Variants in MEX3D observed in about 807,000 individuals in gnomAD.
The protein encoded by MEX3D is RNA-binding protein MEX3D.
In MEX3D, 4 loss-of-function variants were observed where a neutral mutation model predicts 6.3. The ratio of observed to expected loss-of-function variants is 0.64; its 90% CI spans 0.31 to 1.46. The LOEUF is 1.46. MEX3D is among the 40% of genes most tolerant of loss of function. The pLI is 0.07. For missense variants in MEX3D, 1,038 were observed against 994.4 expected, an observed-to-expected ratio of 1.04 and a Z score of -0.59; for synonymous variants, 626 against 494.1, an observed-to-expected ratio of 1.27 and a Z score of -3.54.
At chr19:1,562,069 A>G (rs1373139059) in intron 1 of MEX3D, among the ~76,000 whole-genome samples, 12 of 151,502 alleles carry the variant, frequency 7.9e-5, no homozygotes, top group African/African-American at 1.2e-4. Flanking sequence ...AGACCATCCT[A>G]GCTAACACGG....
rs1032675165 is a variant in MEX3D at position 1,567,997 on chromosome 19, A to ACGCCGCCGC, written c.53_61dup (p.Gly18_Gly20dup). ...TCCGGGGTCCTCCCCCGCCGCCCCC[A>ACGCCGCCGC]CGCCGCCGCCGCCGCCGCCCCCGCC... is the stretch of plus-strand genomic sequence containing the variant. On this transcript the variant is annotated inframe_insertion, in exon 1 of 2. Coordinates refer to ENST00000402693, the MANE Select transcript of MEX3D (RefSeq NM_203304.4). This position sits in a 1 kb window ranked among gnomAD's most constrained non-coding sequence, Gnocchi z 6.5. 59 of 965,322 alleles carry ACGCCGCCGC rather than the reference A, an allele frequency of 6.1e-5. No homozygotes were observed. The highest frequency in any genetic ancestry group is 1.3e-4 in the East Asian group (1 of 7,642). 59.8% of individuals were successfully genotyped at this position (965,322 alleles called of 1,614,324 possible).
At position 1,556,174 on chromosome 19, in the gene MEX3D, C is replaced by CG; in HGVS notation, c.1344dup (p.Asp449ArgfsTer29). On this transcript the variant is annotated frameshift_variant, in exon 2 of 2. Transcript: ENST00000402693. LOFTEE classifies it low-confidence loss of function (END_TRUNC). This position sits in a 1 kb window ranked among gnomAD's most constrained non-coding sequence, Gnocchi z 7.5. ...AAGTCGAAGCCGAAGTCGCAGTCGT[C>CG]GGGGGCGGCCGTCCCCACCGGGGCA... 2 of 1,457,322 alleles carry CG rather than the reference C, an allele frequency of 1.4e-6. No homozygotes were observed. Among genetic ancestry groups the CG allele is most frequent in the East Asian group, 3.2e-5 (1 of 31,522 alleles). The allele number at this position is 1,457,322 out of a possible 1,614,324, so 90.3% of individuals were successfully genotyped here.
rs547292236 is a variant in MEX3D, at chr19:1,555,278, C to T, written c.*285G>A. The T allele has an allele frequency of 2.6e-6, 4 of 1,534,132 alleles. No individual in the cohort carries two copies. The Admixed American group carries it at 5.4e-5, about 21-fold the overall frequency. Reference sequence around the variant, plus strand: ...GGAGGGGTGTCTAAAAATAAGAAAACTAAAAAAAGTGCAAGCGGACCTTTT... The same window carrying T: ...GGAGGGGTGTCTAAAAATAAGAAAATTAAAAAAAGTGCAAGCGGACCTTTT... On this transcript the variant is annotated 3_prime_UTR_variant, in exon 2 of 2. Transcript: ENST00000402693.
At chr19:1,559,200 C>T (rs1266024049) in intron 1 of MEX3D, among the ~76,000 whole-genome samples, 6 of 152,002 alleles carry the variant, frequency 3.9e-5, no homozygotes, top group African/African-American at 9.7e-5. Context: ...GGTACCATCT[C>T]GGCTCACTGC....
chr19:1,560,120 G>A (rs1914680247), intron 1 of MEX3D, among the ~76,000 whole-genome samples: 1 of 152,216 alleles, frequency 6.6e-6, no homozygotes, highest in Non-Finnish European at 1.5e-5. Flanking sequence ...ACCTTGCTAT[G>A]CCTGTTTCTT....
rs1005389362 is a variant in MEX3D, at chr19:1,561,611, A to T, written c.596-4688T>A. On this transcript the variant is annotated intron_variant, in intron 1 of 1. Coordinates refer to ENST00000402693, the MANE Select transcript of MEX3D (RefSeq NM_203304.4). ...CGGCACTTTGGGAGGCCAAGGCAGG[A>T]GGATCACTTGAGGCCAGGAGTTCGA... is the stretch of plus-strand genomic sequence containing the variant. 7.9e-5 allele frequency among the ~76,000 whole-genome samples: 12 copies of T among 151,824 alleles called. No individual in the cohort carries two copies. The East Asian group carries it at 2.4e-3, about 30-fold the overall frequency.
chr19:1,568,177 C>A lies in MEX3D; in HGVS notation c.-119G>T. On this transcript the variant is annotated 5_prime_UTR_variant, in exon 1 of 2. Transcript: ENST00000402693. ...GCCTGCATCCAGCGGCGGGGGCGGG[C>A]ACGGGGGGCCGGGCGGGCGGGGCGG... is the stretch of plus-strand genomic sequence containing the variant. 1 of 877,420 alleles carries A rather than the reference C, an allele frequency of 1.1e-6. No homozygotes were observed. Among genetic ancestry groups the A allele is most frequent in the Non-Finnish European group, 1.4e-6 (1 of 738,476 alleles). The allele number at this position is 877,420 out of a possible 1,614,324, so 54.4% of individuals were successfully genotyped here.
At position 1,555,284 on chromosome 19, in the gene MEX3D, A is replaced by G. The variant is rs1398211551; in HGVS notation, c.*279T>C. 6.5e-7 allele frequency: 1 copy of G among 1,548,332 alleles called. No homozygotes were observed. On this transcript the variant is annotated 3_prime_UTR_variant, in exon 2 of 2. Coordinates refer to ENST00000402693, the MANE Select transcript of MEX3D (RefSeq NM_203304.4). ...GTGTCTAAAAATAAGAAAACTAAAA[A>G]AAGTGCAAGCGGACCTTTTCTCTCC...
chr19:1,556,358 C>T lies in MEX3D; in HGVS notation c.1161G>A (p.Thr387=), dbSNP rs754188319. 7 of 1,457,648 alleles carry T rather than the reference C, an allele frequency of 4.8e-6. No individual in the cohort carries two copies. The highest frequency in any genetic ancestry group is 2.7e-5 in the East Asian group (1 of 37,574). 90.3% of individuals were successfully genotyped at this position (1,457,648 alleles called of 1,614,324 possible). Residue 387 remains threonine (T), a synonymous_variant, in exon 2 of 2, where the codon ACG becomes ACA. Coordinates refer to ENST00000402693, the MANE Select transcript of MEX3D (RefSeq NM_203304.4). This position sits in a 1 kb window ranked among gnomAD's most constrained non-coding sequence, Gnocchi z 7.5. ...GGGCCGTGTCCCCGCGGAGGCCGGC[C>T]GTGGCCGTGGGGGGCCGTCGTCCCT... The part of the protein sequence containing the change: ...PNQGRRPPTA[T]AGLRGDTALG...
Position 1,556,225 on chromosome 19 carries a change from A to T in MEX3D, c.1294T>A (p.Phe432Ile). ...SPYSGSGNGG[F>I]AFGAEGPGAP... ...CCGGGACCCTCCGCGCCGAAGGCGAAGCCCCCGTTGCCGGAGCCGCTGTAG... is the reference window on the plus strand; with the variant it reads ...CCGGGACCCTCCGCGCCGAAGGCGATGCCCCCGTTGCCGGAGCCGCTGTAG... Residue 432 changes from phenylalanine (F) to isoleucine (I), a missense_variant, in exon 2 of 2, where the codon TTC (phenylalanine) becomes ATC (isoleucine). By Grantham distance (21) the Phe-to-Ile change is conservative. Transcript: ENST00000402693. The surrounding 1 kb of genome is among the most constrained non-coding windows in gnomAD (Gnocchi z 7.5). 10 of 1,411,184 alleles carry T rather than the reference A, an allele frequency of 7.1e-6. No homozygotes were observed. The highest frequency in any genetic ancestry group is 9.2e-6 in the Non-Finnish European group (10 of 1,083,790). The allele number at this position is 1,411,184 out of a possible 1,614,324, so 87.4% of individuals were successfully genotyped here.
chr19:1,559,260 T>C (rs1914659656), intron 1 of MEX3D, among the ~76,000 whole-genome samples: 1 of 152,112 alleles, frequency 6.6e-6, no homozygotes, highest in South Asian at 2.1e-4. Flanking sequence ...GCTTCCTGAG[T>C]AGCTGGGATT....
intron 1 of MEX3D, among the ~76,000 whole-genome samples, chr19:1,558,779 C>T (rs917469149): frequency 6.6e-6 from 1 of 152,242 alleles, no homozygotes; most frequent in Non-Finnish European, 1.5e-5. Context: ...ACTCCAGATG[C>T]CTCCGAGGCA....
chr19:1,556,706 G>A lies in MEX3D; in HGVS notation c.813C>T (p.Pro271=), dbSNP rs751930623. The change falls in exon 2 of 2, where the codon CCC becomes CCT. Residue 271 remains proline (P), a synonymous_variant. Transcript: ENST00000402693. This position sits in a 1 kb window ranked among gnomAD's most constrained non-coding sequence, Gnocchi z 7.5. ...PGAAQGPPNL[P]GQTTIQVRVP... Reference sequence around the variant, plus strand: ...CGCGCACCTGGATGGTGGTCTGTCCGGGAAGGTTGGGCGGGCCCTGGGCGG... The same window carrying A: ...CGCGCACCTGGATGGTGGTCTGTCCAGGAAGGTTGGGCGGGCCCTGGGCGG... 6.2e-6 allele frequency: 10 copies of A among 1,611,004 alleles called. No individual in the cohort carries two copies. In the South Asian group the frequency reaches 6.6e-5, roughly 11 times the overall value.
Position 1,556,373 on chromosome 19 carries a change from C to T in MEX3D, c.1146G>A (p.Arg382=), listed in dbSNP as rs2145568262. ...LWAKTPNQGR[R]PPTATAGLRG... ...GGAGGCCGGCCGTGGCCGTGGGGGG[C>T]CGTCGTCCCTGGTTGGGGGTCTTGG... The change falls in exon 2 of 2, where the codon CGG becomes CGA. Residue 382 remains arginine (R), a synonymous_variant. Coordinates refer to ENST00000402693, the MANE Select transcript of MEX3D (RefSeq NM_203304.4). This position sits in a 1 kb window ranked among gnomAD's most constrained non-coding sequence, Gnocchi z 7.5. The T allele has an allele frequency of 6.7e-7, 1 of 1,498,806 alleles. No homozygotes were observed. The highest frequency in any genetic ancestry group is 1.3e-5 in the South Asian group (1 of 76,942). The allele number at this position is 1,498,806 out of a possible 1,614,324, so 92.8% of individuals were successfully genotyped here.
intron 1 of MEX3D, among the ~76,000 whole-genome samples, chr19:1,557,630 T>C (rs900623595): frequency 4.2e-5 from 6 of 143,460 alleles, no homozygotes; most frequent in African/African-American, 1.6e-4. Flanking sequence ...GGAGGCCAAG[T>C]TGGGTGGATC....
chr19:1,555,448 C>T lies in MEX3D; in HGVS notation c.*115G>A, dbSNP rs1225487140. 3 of 1,447,326 alleles carry T rather than the reference C, an allele frequency of 2.1e-6. No individual in the cohort carries two copies. Among genetic ancestry groups the T allele is most frequent in the Non-Finnish European group, 2.8e-6 (3 of 1,081,516 alleles). 89.7% of individuals were successfully genotyped at this position (1,447,326 alleles called of 1,614,324 possible). A position where few individuals can be genotyped will look rare whatever the true frequency, so the allele number is the denominator to read the frequency against. Reference sequence around the variant, plus strand: ...TGGCCGCCGCCCACCCCCCTGCCCCCTCGGCCTCCGCCCCTCGCCCCCTCC... The same window carrying T: ...TGGCCGCCGCCCACCCCCCTGCCCCTTCGGCCTCCGCCCCTCGCCCCCTCC... On this transcript the variant is annotated 3_prime_UTR_variant, in exon 2 of 2. Transcript: ENST00000402693.
chr19:1,565,564 C>T (rs771415074), intron 1 of MEX3D, among the ~76,000 whole-genome samples: 1 of 152,134 alleles, frequency 6.6e-6, no homozygotes, highest in Non-Finnish European at 1.5e-5. Flanking sequence ...ATAAAACCAG[C>T]ATCTTGCCCC....
intron 1 of MEX3D, among the ~76,000 whole-genome samples, chr19:1,560,503 C>T (rs535222562): frequency 2.7e-4 from 41 of 152,340 alleles, no homozygotes; most frequent in Non-Finnish European, 4.3e-4. Context: ...GAGGGTCACA[C>T]GTGGGAGAGG....
rs556420322 is a variant in MEX3D, at chr19:1,555,859, C to T, written c.1660G>A (p.Gly554Ser). The T allele has an allele frequency of 2.0e-3, 2,722 of 1,331,098 alleles. 7 individuals carry two copies. The highest frequency in any genetic ancestry group is 6.7e-3 in the Admixed American group (161 of 24,130). The allele number at this position is 1,331,098 out of a possible 1,614,324, so 82.5% of individuals were successfully genotyped here. ...GTGGCCGTGGAGAAGGCGGCGCCGC[C>T]TGGGAAGGATACGGGGCCCTGCGGG... ...RPPQGPVSFP[G>S]GAAFSTATSL... The change falls in exon 2 of 2, where the codon GGC becomes AGC. Residue 554 changes from glycine (G) to serine (S), a missense_variant. Gly to Ser is a moderately conservative substitution (Grantham distance 56). Transcript: ENST00000402693.
Sources: gnomAD v4.1 joint callset for allele counts (sites outside exome capture counted in the v4.1 genomes callset) on GRCh38, gnomAD v4.1.1 for gene constraint, Gnocchi (gnomAD v3.1) non-coding constraint, MANE v1.5 for transcripts, NCBI Gene and HGNC (gene_info 2026-07-23, HGNC 2026-07-21) for gene names.